The following CCDC85A variants were observed in gnomAD, a reference collection of about 807,000 sequenced individuals.
The protein encoded by CCDC85A is coiled-coil domain-containing protein 85A.
In CCDC85A, 38 loss-of-function variants were observed where a neutral mutation model predicts 50.2. The ratio of observed to expected loss-of-function variants is 0.76; its 90% CI spans 0.58 to 0.99. The LOEUF (loss-of-function observed/expected upper bound fraction) is 0.99. Ranked by LOEUF, CCDC85A falls within the 50% of genes least tolerant of loss-of-function variation. The probability of loss-of-function intolerance (pLI) is 0.00; values close to 1 mark genes in which losing one functional copy is unlikely to be tolerated. For missense variants in CCDC85A, 820 were observed against 742.0 expected (o/e 1.11, Z -1.22); for synonymous variants, 366 against 301.4 (o/e 1.21, Z -2.22).
chr2:56,351,528 T>G (rs1335005146), intron 3 of CCDC85A, among the ~76,000 whole-genome samples: 1 of 140,352 alleles, frequency 7.1e-6, no homozygotes, highest in African/African-American at 2.8e-5. Flanking sequence ...CTCCTGACTT[T>G]TTAATGATCG....
At chr2:56,380,138 A>G (rs1437177244) in intron 5 of CCDC85A, among the ~76,000 whole-genome samples, 1 of 152,156 alleles carries the variant, frequency 6.6e-6, no homozygotes, top group Admixed American at 6.6e-5. Flanking sequence ...TCTAATTTCG[A>G]TAAAATAAAT....
At chr2:56,278,057 A>G (rs1243403933) in intron 2 of CCDC85A, among the ~76,000 whole-genome samples, 1 of 152,102 alleles carries the variant, frequency 6.6e-6, no homozygotes, top group South Asian at 2.1e-4. Context: ...TTGCCATTGG[A>G]TATGCTGGCC....
intron 2 of CCDC85A, among the ~76,000 whole-genome samples, chr2:56,201,213 A>T (rs1468619241): frequency 1.3e-5 from 2 of 151,910 alleles, no homozygotes; most frequent in African/African-American, 4.8e-5. Flanking sequence ...GGTTTTTTTT[A>T]TACCTCCTTC....
chr2:56,242,870 C>G (rs561110437), intron 2 of CCDC85A, among the ~76,000 whole-genome samples: 5 of 152,072 alleles, frequency 3.3e-5, no homozygotes, highest in African/African-American at 1.2e-4. Flanking sequence ...CCTTCAATGT[C>G]TTCTGTTAGT....
intron 2 of CCDC85A, among the ~76,000 whole-genome samples, chr2:56,244,521 G>A (rs1669414259): frequency 1.3e-5 from 2 of 151,860 alleles, no homozygotes; most frequent in African/African-American, 4.8e-5. Flanking sequence ...GCCAAAGCCT[G>A]GAACCAGGGA....
intron 2 of CCDC85A, among the ~76,000 whole-genome samples, chr2:56,273,228 T>C (rs1489973837): frequency 6.6e-6 from 1 of 152,108 alleles, no homozygotes; most frequent in African/African-American, 2.4e-5. Context: ...TCGGATCTAA[T>C]ATGAATTCTA....
intron 2 of CCDC85A, among the ~76,000 whole-genome samples, chr2:56,319,882 T>C (rs1673089674): frequency 6.6e-6 from 1 of 152,110 alleles, no homozygotes; most frequent in African/African-American, 2.4e-5. Context: ...GACCACATAG[T>C]TGGAAGTAAA....
At chr2:56,322,066 T>G (rs2580384) in intron 2 of CCDC85A, among the ~76,000 whole-genome samples, 6,066 of 152,132 alleles carry the variant, frequency 0.04, 409 homozygotes, top group African/African-American at 0.14. Flanking sequence ...TTAATAAATG[T>G]TGCTGGGAAA....
chr2:56,228,324 T>TATA (rs36058795), intron 2 of CCDC85A, among the ~76,000 whole-genome samples: 118,491 of 147,954 alleles, frequency 0.8, 47,456 homozygotes, highest in East Asian at 0.84. Flanking sequence ...AAACTTAAAG[T>TATA]ATAATAATAA....
chr2:56,334,270 C>T lies in CCDC85A; in HGVS notation c.1241-8609C>T, dbSNP rs567841264. On this transcript the variant is annotated intron_variant, in intron 2 of 5. Transcript: ENST00000407595. ...TCATTCCTGGCTGCTACTGTATCCC[C>T]GGGACCTAGAACAATACCTGGCACA... Among the ~76,000 whole-genome samples, 303 of 152,268 alleles carry T rather than the reference C, an allele frequency of 2.0e-3. 2 individuals are homozygous for T. Among genetic ancestry groups the T allele is most frequent in the African/African-American group, 6.2e-3 (257 of 41,544 alleles).
intron 2 of CCDC85A, among the ~76,000 whole-genome samples, chr2:56,318,803 G>T (rs1376900262): frequency 1.3e-5 from 2 of 152,076 alleles, no homozygotes; most frequent in Non-Finnish European, 2.9e-5. Context: ...TCCTATTTCA[G>T]ATTCCCAATG....
At chr2:56,190,082 G>A (rs978172420) in intron 1 of CCDC85A, among the ~76,000 whole-genome samples, 1 of 152,224 alleles carries the variant, frequency 6.6e-6, no homozygotes, top group South Asian at 2.1e-4. Context: ...GGAAGTGGAG[G>A]ATGTGGTTGA....
intron 3 of CCDC85A, among the ~76,000 whole-genome samples, chr2:56,343,576 G>A (rs1674482313): frequency 6.6e-6 from 1 of 152,144 alleles, no homozygotes; most frequent in Admixed American, 6.5e-5. Context: ...CTGTTAACTT[G>A]ATGAGAATGA....
chr2:56,331,836 T>G (rs943446993), intron 2 of CCDC85A, among the ~76,000 whole-genome samples: 1 of 152,222 alleles, frequency 6.6e-6, no homozygotes, highest in Non-Finnish European at 1.5e-5. Flanking sequence ...TCGTTATAAT[T>G]ATACAGGGCA....
At chr2:56,312,223 C>A (rs1672727670) in intron 2 of CCDC85A, among the ~76,000 whole-genome samples, 1 of 152,106 alleles carries the variant, frequency 6.6e-6, no homozygotes, top group Non-Finnish European at 1.5e-5. Context: ...ACCCTGAGGG[C>A]AGCTCTCAGT....
At chr2:56,268,181 A>G (rs1670534113) in intron 2 of CCDC85A, among the ~76,000 whole-genome samples, 1 of 152,206 alleles carries the variant, frequency 6.6e-6, no homozygotes, top group African/African-American at 2.4e-5. Flanking sequence ...GCTTTCACAT[A>G]TATATCAGGA....
chr2:56,213,869 A>T (rs1039873873), intron 2 of CCDC85A, among the ~76,000 whole-genome samples: 3 of 151,936 alleles, frequency 2.0e-5, no homozygotes, highest in African/African-American at 7.2e-5. Context: ...ATATGACATG[A>T]TTATAGGTGG....
chr2:56,368,029 G>T (rs1476911192), intron 3 of CCDC85A, among the ~76,000 whole-genome samples: 1 of 151,994 alleles, frequency 6.6e-6, no homozygotes, highest in South Asian at 2.1e-4. Flanking sequence ...TGCGACCCTG[G>T]AGTCTGTGAT....
intron 2 of CCDC85A, among the ~76,000 whole-genome samples, chr2:56,295,724 T>A (rs1054710306): frequency 2.0e-5 from 3 of 152,134 alleles, no homozygotes; most frequent in Non-Finnish European, 4.4e-5. Context: ...TTCTCTTGAG[T>A]GTTAGCATCA....
Sources: gnomAD v4.1 joint callset for allele counts (sites outside exome capture counted in the v4.1 genomes callset) on GRCh38, gnomAD v4.1.1 for gene constraint, MANE v1.5 for transcripts, NCBI Gene and HGNC (gene_info 2026-07-23, HGNC 2026-07-21) for gene names.